FDFT1: variants seen among roughly 807,000 people sequenced by gnomAD.
FDFT1 encodes squalene synthase.
Under a neutral mutation model 46.8 loss-of-function variants are expected in FDFT1, and 68 were observed. The observed-to-expected ratio is 1.45, with a 90% CI of 1.19 to 1.78. The LOEUF is 1.78. FDFT1 is among the 40% of genes most tolerant of loss of function. The pLI, the probability that FDFT1 is intolerant of heterozygous loss-of-function variation, is 0.00. For synonymous variants in FDFT1, 351 were observed against 185.1 expected, an observed-to-expected ratio of 1.90 and a Z score of -7.28; for missense variants, 928 against 524.4, an observed-to-expected ratio of 1.77 and a Z score of -7.52.
rs559977336 is a variant in FDFT1 at position 11,838,490 on chromosome 8, C to G, written c.1135C>G (p.Arg379Gly). The change falls in exon 8 of 8, where the codon CGA becomes GGA. Residue 379 changes from arginine (R) to glycine (G), a missense_variant. Coordinates refer to ENST00000220584, the MANE Select transcript of FDFT1 (RefSeq NM_004462.5). ...TCTTCCCAACTGTCAGCTGATTTCC[C>G]GAAGCCACTACTCCCCCATCTACCT... ...QNLPNCQLIS[R>G]SHYSPIYLSF... is the part of the protein sequence containing the mutation. The G allele has an allele frequency of 2.4e-5, 39 of 1,605,594 alleles. 1 individual carries two copies. In the South Asian group the frequency reaches 4.0e-4, roughly 16 times the overall value.
intron 2 of FDFT1, 168 bp downstream of exon 2, chr8:11,809,059 C>A: frequency 7.5e-7 from 1 of 1,333,668 alleles, no homozygotes. Flanking sequence ...CCCTTCCAGG[C>A]TCTTTGCCAT....
rs937732264 is a variant in FDFT1, at chr8:11,795,834, C to G, written c.-271C>G. 2.0e-5 allele frequency: 3 copies of G among 152,864 alleles called. No individual in the cohort carries two copies. The East Asian group carries it at 5.8e-4, about 29-fold the overall frequency. The allele number at this position is 152,864 out of a possible 1,614,324, so 9.5% of individuals were successfully genotyped here. On this transcript the variant is annotated 5_prime_UTR_variant, in exon 1 of 8. Transcript: ENST00000538689. Reference sequence around the variant, plus strand: ...CTTCACTCCTGAGCCAGCGAGACCACGAACCCACCAGAAGGAAGAAACTCC... The same window carrying G: ...CTTCACTCCTGAGCCAGCGAGACCAGGAACCCACCAGAAGGAAGAAACTCC...
At chr8:11,796,510 C>T (rs1275190865) in intron 1 of FDFT1, among the ~76,000 whole-genome samples, 1 of 152,142 alleles carries the variant, frequency 6.6e-6, no homozygotes, top group Non-Finnish European at 1.5e-5. Flanking sequence ...TCGGAGCTTG[C>T]TGTAGTAAGG....
intron 7 of FDFT1, 80 bp from the exon 8 acceptor site, chr8:11,838,308 G>A (rs556396786): frequency 1.9e-6 from 2 of 1,068,892 alleles, no homozygotes; most frequent in Non-Finnish European, 2.9e-6. Context: ...TAAAATACCT[G>A]CCAGTGGAGG....
rs1051985405 is a variant in FDFT1 at position 11,826,079 on chromosome 8, C to A, written c.566C>A (p.Ala189Asp). Residue 189 changes from alanine (A) to aspartate (D), a missense_variant, in exon 5 of 8, where the codon GCC becomes GAC. Coordinates refer to ENST00000220584, the MANE Select transcript of FDFT1 (RefSeq NM_004462.5). ...VGIGLSRLFS[A>D]SEFEDPLVGE... is the part of the protein sequence containing the mutation. ...ATTGGCCTTTCCCGTCTTTTCTCAG[C>A]CTCAGAGTTTGAAGACCCCTTAGTT... 1 of 1,608,134 alleles carries A rather than the reference C, an allele frequency of 6.2e-7. No homozygotes were observed. Among genetic ancestry groups the A allele is most frequent in the African/African-American group, 1.3e-5 (1 of 74,798 alleles).
rs150271048 is a variant in FDFT1 at position 11,830,375 on chromosome 8, G to C, written c.834G>C (p.Ser278=). 29 of 1,613,816 alleles carry C rather than the reference G, an allele frequency of 1.8e-5. No individual in the cohort carries two copies. In the South Asian group the frequency reaches 3.1e-4, roughly 17 times the overall value. ...TCCCAGATGTCATCACCTACCTTTC[G>C]AGACTCAGAAACCAGAGTGTGTTTA... ...HHIPDVITYL[S]RLRNQSVFNF... is the part of the protein sequence containing the mutation. Residue 278 remains serine, a synonymous_variant, in exon 6 of 8, where the codon TCG becomes TCC. Coordinates refer to ENST00000220584, the MANE Select transcript of FDFT1 (RefSeq NM_004462.5).
intron 4 of FDFT1, among the ~76,000 whole-genome samples, chr8:11,824,001 C>T (rs974833129): frequency 1.1e-4 from 16 of 152,208 alleles, no homozygotes; most frequent in South Asian, 4.1e-4. Context: ...CTGCCTTAGC[C>T]TCCCAGGTGT....
chr8:11,805,246 T>G (rs2130686199), intron 1 of FDFT1, among the ~76,000 whole-genome samples: 1 of 152,344 alleles, frequency 6.6e-6, no homozygotes, highest in Middle Eastern at 3.4e-3. Flanking sequence ...GGAAAAAATT[T>G]ACGCTTAGCA....
upstream of FDFT1, chr8:11,802,372 C>A (rs750331038): frequency 1.1e-5 from 5 of 452,146 alleles, no homozygotes; most frequent in African/African-American, 4.0e-5. Context: ...GCTCTCCCGA[C>A]TGCGGACCAC....
Position 11,809,779 on chromosome 8 carries a change from C to G in FDFT1, c.310C>G (p.Leu104Val), listed in dbSNP as rs61732866. The change falls in exon 3 of 8, where the codon CTT becomes GTT. Residue 104 changes from leucine to valine, a missense_variant. Coordinates refer to ENST00000220584, the MANE Select transcript of FDFT1 (RefSeq NM_004462.5). ...GCTGTTACACAACTTTCACTCTTTC[C>G]TTTACCAACCAGACTGGCGGTTCAT... The part of the protein sequence containing the change: ...VPLLHNFHSF[L>V]YQPDWRFMES... 1.2e-6 allele frequency: 2 copies of G among 1,614,198 alleles called. No homozygotes were observed. The highest frequency in any genetic ancestry group is 2.2e-5 in the East Asian group (1 of 44,892).
chr8:11,833,771 A>C (rs1444717096), intron 7 of FDFT1, among the ~76,000 whole-genome samples: 2 of 152,202 alleles, frequency 1.3e-5, no homozygotes, highest in Admixed American at 6.5e-5. Context: ...GTAAAGCTGA[A>C]AATATTTTTT....
In FDFT1 at chr8:11,808,738, A is replaced by C. The variant is rs79689996; in HGVS notation, c.100-56A>C. 12 of 1,552,980 alleles carry C rather than the reference A, an allele frequency of 7.7e-6. No homozygotes were observed. In the African/African-American group the frequency reaches 2.1e-4, roughly 27 times the overall value. On this transcript the variant is annotated intron_variant, in intron 1 of 7. Transcript: ENST00000220584. ...CACTCCCACTCCCACTCCCACTCCC[A>C]CTCCCACTCCTGCTCCTCGACGTCT...
At chr8:11,809,516 T>TA in intron 2 of FDFT1, 151 bp from the exon 3 acceptor site, 1 of 1,316,356 alleles carries the variant, frequency 7.6e-7, no homozygotes, top group African/African-American at 1.5e-5. Flanking sequence ...TAATGTAACT[T>TA]TCGTTAAGTA....
Position 11,821,770 on chromosome 8 carries a change from T to A in FDFT1, c.402T>A (p.Asn134Lys). 1 of 1,613,488 alleles carries A rather than the reference T, an allele frequency of 6.2e-7. No homozygotes were observed. The highest frequency in any genetic ancestry group is 1.7e-4 in the Middle Eastern group (1 of 6,056). The part of the protein sequence containing the change: ...DFPTISLEFR[N>K]LAEKYQTVIA... ...TTCAGATCTCCCTTGAGTTTAGAAA[T>A]CTGGCTGAGAAATACCAAACAGTGA... is the stretch of plus-strand genomic sequence containing the variant. Residue 134 changes from asparagine to lysine, a missense_variant, in exon 4 of 8, where the codon AAT becomes AAA. By Grantham distance (94) the Asn-to-Lys change is moderately conservative. Coordinates refer to ENST00000220584, the MANE Select transcript of FDFT1 (RefSeq NM_004462.5).
intron 7 of FDFT1, 55 bp downstream of exon 7, chr8:11,831,725 A>G: frequency 7.2e-7 from 1 of 1,389,642 alleles, no homozygotes; most frequent in Non-Finnish European, 1.0e-6. Context: ...TGATTTAGTA[A>G]TGTCACTGTT....
intron 3 of FDFT1, among the ~76,000 whole-genome samples, chr8:11,818,130 T>C (rs1266230195): frequency 1.3e-5 from 2 of 152,370 alleles, no homozygotes; most frequent in African/African-American, 4.8e-5. Context: ...CCAGTAGTCA[T>C]TCAGGAGCAG....
intron 1 of FDFT1, among the ~76,000 whole-genome samples, chr8:11,804,030 A>G (rs766454345): frequency 3.9e-5 from 6 of 152,206 alleles, no homozygotes; most frequent in Non-Finnish European, 7.3e-5. Context: ...TATAGCATTC[A>G]TTTATTTAAC....
Position 11,838,686 on chromosome 8 carries a change from CTTTA to C in FDFT1, c.*81_*84del, listed in dbSNP as rs540954228. The C allele has an allele frequency of 2.4e-3, 2,815 of 1,172,154 alleles. 8 individuals carry two copies. The highest frequency in any genetic ancestry group is 4.2e-3 in the Admixed American group (232 of 55,700). The allele number at this position is 1,172,154 out of a possible 1,614,324, so 72.6% of individuals were successfully genotyped here. On this transcript the variant is annotated 3_prime_UTR_variant, in exon 8 of 8. Coordinates refer to ENST00000220584, the MANE Select transcript of FDFT1 (RefSeq NM_004462.5). ...TCTTTAAGGATGGATGTTGTGTTCT[CTTTA>C]TTTTTTTCCTACTACTTTAATCCCT... is the stretch of plus-strand genomic sequence containing the variant.
chr8:11,802,118 G>T (rs1285534700), upstream of FDFT1: 2 of 454,478 alleles, frequency 4.4e-6, no homozygotes, highest in Admixed American at 2.4e-5. Context: ...ACACTAGAGA[G>T]GGGGCAGCTG....
Sources: allele counts gnomAD v4.1 joint callset (sites outside exome capture counted in the v4.1 genomes callset), GRCh38; gene constraint gnomAD v4.1.1; transcripts MANE v1.5; gene names NCBI Gene and HGNC (gene_info 2026-07-23, HGNC 2026-07-21).